The following R3HCC1L variants were observed in gnomAD, a reference collection of about 807,000 sequenced individuals.
R3HCC1L encodes R3H domain and coiled-coil containing 1 like, also known as coiled-coil domain-containing protein R3HCC1L.
In R3HCC1L, 51 loss-of-function variants were observed where a neutral mutation model predicts 59.9. The ratio of observed to expected loss-of-function variants is 0.85; its 90% CI spans 0.68 to 1.07. The LOEUF is 1.07. Among genes scored for constraint, R3HCC1L ranks in the 50% least tolerant of loss-of-function variants. R3HCC1L has a pLI of 0.00. For missense variants in R3HCC1L, 965 were observed against 933.0 expected (o/e 1.03, Z -0.45); for synonymous variants, 322 against 315.2 (o/e 1.02, Z -0.23).
At chr10:98,193,849 A>T (rs1851118275) in intron 4 of R3HCC1L, among the ~76,000 whole-genome samples, 1 of 152,178 alleles carries the variant, frequency 6.6e-6, no homozygotes, top group South Asian at 2.1e-4. Flanking sequence ...AATATTCCTG[A>T]TAAATATTGA....
intron 4 of R3HCC1L, among the ~76,000 whole-genome samples, chr10:98,176,035 C>CT (rs1336457219): frequency 6.6e-6 from 1 of 152,098 alleles, no homozygotes; most frequent in Non-Finnish European, 1.5e-5. Flanking sequence ...GAAAGACTCT[C>CT]TTTTTTCATA....
At chr10:98,214,366 T>G (rs900255109) in intron 5 of R3HCC1L, among the ~76,000 whole-genome samples, 1 of 152,106 alleles carries the variant, frequency 6.6e-6, no homozygotes, top group African/African-American at 2.4e-5. Context: ...ATTTTTTAAT[T>G]TGTCAGGGTA....
chr10:98,220,118 A>G (rs1854697372), intron 5 of R3HCC1L, among the ~76,000 whole-genome samples: 1 of 152,058 alleles, frequency 6.6e-6, no homozygotes, highest in Non-Finnish European at 1.5e-5. Context: ...TTTTAAGTTC[A>G]GAAATTCTTT....
At chr10:98,135,605 C>CTT (rs1844490123) in intron 1 of R3HCC1L, among the ~76,000 whole-genome samples, 1 of 152,198 alleles carries the variant, frequency 6.6e-6, no homozygotes, top group Non-Finnish European at 1.5e-5. Context: ...GGGAAAGTGT[C>CTT]TTTGGAAACG....
At chr10:98,183,476 G>T (rs1283406447) in intron 4 of R3HCC1L, among the ~76,000 whole-genome samples, 4 of 151,756 alleles carry the variant, frequency 2.6e-5, no homozygotes, top group African/African-American at 9.7e-5. Flanking sequence ...ATGCTGCCTA[G>T]TGTTCTCTGA....
intron 4 of R3HCC1L, among the ~76,000 whole-genome samples, chr10:98,173,034 T>A (rs190618401): frequency 5.4e-4 from 82 of 152,342 alleles, no homozygotes; most frequent in Admixed American, 1.3e-3. Context: ...TTCTTGTTTT[T>A]CTTAAATCAA....
intron 1 of R3HCC1L, among the ~76,000 whole-genome samples, chr10:98,149,009 A>T (rs1332516336): frequency 6.6e-6 from 1 of 152,052 alleles, no homozygotes; most frequent in Non-Finnish European, 1.5e-5. Flanking sequence ...CTTTTCTTTA[A>T]TGGGAGACTT....
rs1374077419 is a variant in R3HCC1L at position 98,244,599 on chromosome 10, G to C, written c.*441G>C. 6.2e-6 allele frequency: 1 copy of C among 160,376 alleles called. No homozygotes were observed. Among genetic ancestry groups the C allele is most frequent in the Admixed American group, 6.1e-5 (1 of 16,352 alleles). 9.9% of individuals were successfully genotyped at this position (160,376 alleles called of 1,614,324 possible). A position where few individuals can be genotyped will look rare whatever the true frequency, so the allele number is the denominator to read the frequency against. On this transcript the variant is annotated 3_prime_UTR_variant, in exon 10 of 10. Coordinates refer to ENST00000298999, the MANE Select transcript of R3HCC1L (RefSeq NM_001351015.2). ...TAATACTGGAGGCAGAGTAGGGGGTGGTTGGAGAGCAGTTAGTACAAAGAG... is the reference window on the plus strand; with the variant it reads ...TAATACTGGAGGCAGAGTAGGGGGTCGTTGGAGAGCAGTTAGTACAAAGAG...
intron 5 of R3HCC1L, among the ~76,000 whole-genome samples, chr10:98,224,326 A>G (rs1165152527): frequency 2.0e-5 from 3 of 151,574 alleles, no homozygotes; most frequent in Non-Finnish European, 4.4e-5. Context: ...TTTTCCTTTT[A>G]TATGTTGAAG....
intron 5 of R3HCC1L, among the ~76,000 whole-genome samples, chr10:98,219,193 TG>T (rs1377892217): frequency 6.6e-6 from 1 of 152,232 alleles, no homozygotes; most frequent in Non-Finnish European, 1.5e-5. Flanking sequence ...ATTACAGGTG[TG>T]AGCCACCATG....
intron 9 of R3HCC1L, among the ~76,000 whole-genome samples, chr10:98,236,833 G>A (rs1857019550): frequency 6.6e-6 from 1 of 152,132 alleles, no homozygotes; most frequent in Admixed American, 6.5e-5. Context: ...TAAAGGCTTG[G>A]GACTCTGGTG....
chr10:98,183,862 T>C (rs1849915155), intron 4 of R3HCC1L, among the ~76,000 whole-genome samples: 1 of 152,178 alleles, frequency 6.6e-6, no homozygotes, highest in Admixed American at 6.5e-5. Flanking sequence ...CGTTAGAGCA[T>C]TTAACGTATA....
chr10:98,196,414 C>T (rs1446243616), intron 4 of R3HCC1L, among the ~76,000 whole-genome samples: 1 of 152,074 alleles, frequency 6.6e-6, no homozygotes, highest in Non-Finnish European at 1.5e-5. Context: ...CCTACTTGAC[C>T]TTCCAACAGC....
intron 4 of R3HCC1L, among the ~76,000 whole-genome samples, chr10:98,201,095 A>G (rs1286140023): frequency 1.3e-5 from 2 of 152,200 alleles, no homozygotes; most frequent in East Asian, 1.9e-4. Context: ...CTGACATTGA[A>G]TGTTCCATAT....
At chr10:98,209,980 A>G in intron 5 of R3HCC1L, 81 bp downstream of exon 5, 1 of 1,076,252 alleles carries the variant, frequency 9.3e-7, no homozygotes, top group Admixed American at 2.2e-5. Flanking sequence ...ACAGTGATGC[A>G]CATTCACTGA....
intron 4 of R3HCC1L, among the ~76,000 whole-genome samples, chr10:98,195,064 G>A (rs753377465): frequency 6.6e-6 from 1 of 152,118 alleles, no homozygotes; most frequent in African/African-American, 2.4e-5. Context: ...TGGAAGCAAC[G>A]TTAAGTGTTC....
At chr10:98,142,634 T>C (rs61873745) in intron 1 of R3HCC1L, among the ~76,000 whole-genome samples, 23,062 of 148,008 alleles carry the variant, frequency 0.16, 2,143 homozygotes, top group Non-Finnish European at 0.2. Flanking sequence ...TGAGACTCTG[T>C]CTCAAAAAAA....
At chr10:98,155,557 T>A (rs1846764008) in intron 1 of R3HCC1L, among the ~76,000 whole-genome samples, 1 of 152,076 alleles carries the variant, frequency 6.6e-6, no homozygotes, top group Admixed American at 6.5e-5. Context: ...TTTTTAAAAA[T>A]AATTTAAAAT....
chr10:98,211,853 G>T (rs1853618269), intron 5 of R3HCC1L, among the ~76,000 whole-genome samples: 1 of 152,132 alleles, frequency 6.6e-6, no homozygotes, highest in Non-Finnish European at 1.5e-5. Flanking sequence ...GTACAACTCA[G>T]TTTTTCAGGT....
Sources: allele counts gnomAD v4.1 joint callset (sites outside exome capture counted in the v4.1 genomes callset), GRCh38; gene constraint gnomAD v4.1.1; transcripts MANE v1.5; gene names NCBI Gene and HGNC (gene_info 2026-07-23, HGNC 2026-07-21).